Variants in KCNQ5 observed in about 807,000 individuals in gnomAD.
The protein encoded by KCNQ5 is potassium voltage-gated channel subfamily KQT member 5.
In KCNQ5, 30 loss-of-function variants were observed where a neutral mutation model predicts 98.2. The ratio of observed to expected loss-of-function variants is 0.31; its 90% CI spans 0.23 to 0.41. The LOEUF (loss-of-function observed/expected upper bound fraction) is 0.41. Among genes scored for constraint, KCNQ5 ranks in the 10% least tolerant of loss-of-function variants. The pLI, the probability that KCNQ5 is intolerant of heterozygous loss-of-function variation, is 1.00. For synonymous variants in KCNQ5, 458 were observed against 449.4 expected (o/e 1.02, Z -0.24); for missense variants, 835 against 1,182.5 (o/e 0.71, Z 4.31).
chr6:72,745,351 TA>T (rs1771332813), intron 1 of KCNQ5, among the ~76,000 whole-genome samples: 2 of 152,222 alleles, frequency 1.3e-5, no homozygotes, highest in South Asian at 4.1e-4. Context: ...ATCAGATCAA[TA>T]AAAGATTAAA....
intron 1 of KCNQ5, among the ~76,000 whole-genome samples, chr6:72,651,881 T>C (rs1765893186): frequency 6.6e-6 from 1 of 152,084 alleles, no homozygotes; most frequent in South Asian, 2.1e-4. Context: ...CCATTAAATT[T>C]TATAACACAA....
At chr6:73,029,870 C>A (rs1167857624) in intron 2 of KCNQ5, among the ~76,000 whole-genome samples, 1 of 136,732 alleles carries the variant, frequency 7.3e-6, no homozygotes, top group Non-Finnish European at 1.5e-5. Flanking sequence ...GAGATTGCGT[C>A]ACTGCACTCC....
intron 1 of KCNQ5, among the ~76,000 whole-genome samples, chr6:72,711,837 G>C (rs1769385395): frequency 6.6e-6 from 1 of 152,170 alleles, no homozygotes; most frequent in Admixed American, 6.6e-5. Flanking sequence ...CATTTTAGAA[G>C]TGGAAAACAC....
chr6:72,971,981 G>C (rs995031529), intron 1 of KCNQ5, among the ~76,000 whole-genome samples: 2 of 152,142 alleles, frequency 1.3e-5, no homozygotes, highest in African/African-American at 4.8e-5. Context: ...AGAACTTAAA[G>C]TATAATTTTA....
chr6:73,157,739 C>T (rs1191418339), intron 10 of KCNQ5: 10 of 777,716 alleles, frequency 1.3e-5, no homozygotes, highest in Admixed American at 6.8e-5. Flanking sequence ...GGGTCCCGAG[C>T]GATGAAGTAA....
At chr6:72,970,024 T>C (rs934865263) in intron 1 of KCNQ5, among the ~76,000 whole-genome samples, 1 of 152,134 alleles carries the variant, frequency 6.6e-6, no homozygotes, top group Non-Finnish European at 1.5e-5. Flanking sequence ...CTCAGGAGGC[T>C]GAGGTGGGAG....
intron 11 of KCNQ5, among the ~76,000 whole-genome samples, chr6:73,176,424 T>C (rs767636046): frequency 6.6e-6 from 1 of 152,252 alleles, no homozygotes; most frequent in African/African-American, 2.4e-5. Context: ...TCGTGCTTCC[T>C]GCACAGCCTG....
intron 12 of KCNQ5, among the ~76,000 whole-genome samples, chr6:73,191,872 T>A (rs528887525): frequency 6.6e-6 from 1 of 152,324 alleles, no homozygotes; most frequent in South Asian, 2.1e-4. Context: ...GATAATTCAA[T>A]TCTAAACACA....
rs571916870 is a variant in KCNQ5 at position 72,816,683 on chromosome 6, C to T, written c.399-187225C>T. Among the ~76,000 whole-genome samples the T allele has an allele frequency of 6.6e-5, 10 of 152,282 alleles. No individual in the cohort carries two copies. In the East Asian group the frequency reaches 1.2e-3, roughly 18 times the overall value. ...CTGCCAAACAGCTCAGAGATGGCCA[C>T]GAGAATTCCAACAGTGTATGAGCCA... On this transcript the variant is annotated intron_variant, in intron 1 of 13. Coordinates refer to ENST00000370398, the MANE Select transcript of KCNQ5 (RefSeq NM_019842.4).
chr6:72,925,262 GC>G (rs1231749510), intron 1 of KCNQ5, among the ~76,000 whole-genome samples: 3 of 152,108 alleles, frequency 2.0e-5, no homozygotes, highest in African/African-American at 7.2e-5. Flanking sequence ...TATATATGGA[GC>G]CTTGGAAATC....
chr6:72,837,737 T>A (rs920512136), intron 1 of KCNQ5, among the ~76,000 whole-genome samples: 3 of 152,198 alleles, frequency 2.0e-5, no homozygotes, highest in Admixed American at 6.5e-5. Context: ...GTTATATGTT[T>A]TTTAAAGATG....
At chr6:73,175,767 A>G (rs946777360) in intron 11 of KCNQ5, among the ~76,000 whole-genome samples, 1 of 152,240 alleles carries the variant, frequency 6.6e-6, no homozygotes, top group South Asian at 2.1e-4. Flanking sequence ...GTTGTGAGGA[A>G]CTACCAGAAA....
chr6:73,109,731 T>C (rs1254769393), intron 6 of KCNQ5, among the ~76,000 whole-genome samples: 2 of 152,134 alleles, frequency 1.3e-5, no homozygotes, highest in East Asian at 3.9e-4. Context: ...CTGTATGAGA[T>C]AGAGATCTTA....
At position 72,765,194 on chromosome 6, in the gene KCNQ5, C is replaced by T. The variant is rs149154784; in HGVS notation, c.398+142607C>T. On this transcript the variant is annotated intron_variant, in intron 1 of 13. Coordinates refer to ENST00000370398, the MANE Select transcript of KCNQ5 (RefSeq NM_019842.4). ...AATTTTTAGTTTTTTGAGAATCCTT[C>T]GAATTGTTTTCCATAGTGGTTGTAC... is the stretch of plus-strand genomic sequence containing the variant. Among the ~76,000 whole-genome samples the T allele has an allele frequency of 4.7e-3, 717 of 152,028 alleles. 2 individuals are homozygous for T. Among genetic ancestry groups the T allele is most frequent in the Non-Finnish European group, 8.2e-3 (554 of 67,956 alleles).
intron 1 of KCNQ5, among the ~76,000 whole-genome samples, chr6:72,960,577 C>G (rs187405381): frequency 1.2e-4 from 18 of 152,090 alleles, no homozygotes; most frequent in African/African-American, 4.3e-4. Flanking sequence ...TTACAGGCAC[C>G]CACCACCATA....
intron 11 of KCNQ5, among the ~76,000 whole-genome samples, chr6:73,176,640 G>A (rs1215850895): frequency 6.6e-6 from 1 of 152,220 alleles, no homozygotes; most frequent in Non-Finnish European, 1.5e-5. Context: ...GGGCAGTCAT[G>A]ATGGAGAATA....
chr6:72,671,085 A>G (rs2154473347), intron 1 of KCNQ5, among the ~76,000 whole-genome samples: 1 of 152,278 alleles, frequency 6.6e-6, no homozygotes. Flanking sequence ...AATGACCTTT[A>G]ACGCCCGTAT....
At chr6:72,825,248 T>A (rs1353815004) in intron 1 of KCNQ5, among the ~76,000 whole-genome samples, 1 of 152,084 alleles carries the variant, frequency 6.6e-6, no homozygotes, top group African/African-American at 2.4e-5. Context: ...CCACTCACCA[T>A]CCCCAACACT....
intron 1 of KCNQ5, among the ~76,000 whole-genome samples, chr6:72,777,553 C>T (rs1773221705): frequency 6.6e-6 from 1 of 152,138 alleles, no homozygotes; most frequent in East Asian, 1.9e-4. Context: ...TCCACCTCCA[C>T]CCTAGGAAGC....
Sources: allele counts gnomAD v4.1 joint callset (sites outside exome capture counted in the v4.1 genomes callset), GRCh38; gene constraint gnomAD v4.1.1; transcripts MANE v1.5; gene names NCBI Gene and HGNC (gene_info 2026-07-23, HGNC 2026-07-21).